KCNH6: variants seen among roughly 807,000 people sequenced by gnomAD.
KCNH6 encodes the protein voltage-gated inwardly rectifying potassium channel KCNH6.
A neutral mutation model predicts 83.4 loss-of-function variants in KCNH6; 81 were observed. That is an observed-to-expected ratio of 0.97 (90% CI 0.81 to 1.17). KCNH6 has a LOEUF of 1.17. Ranked by LOEUF, KCNH6 falls within the 50% of genes most tolerant of loss-of-function variation. The pLI is 0.00. For missense variants in KCNH6, 1,203 were observed against 1,290.5 expected (o/e 0.93, Z 1.04); for synonymous variants, 503 against 545.6 (o/e 0.92, Z 1.09).
Position 63,524,322 on chromosome 17 carries a change from T to C in KCNH6, c.260T>C (p.Leu87Pro), listed in dbSNP as rs146579400. The change falls in exon 2 of 13, where the codon CTG (leucine) becomes CCG (proline). Residue 87 changes from leucine (L) to proline (P), a missense_variant. Physicochemically the swap from Leu to Pro is moderately conservative, Grantham distance 98. Transcript: ENST00000314672. ...SAVSRLAQAL[L>P]GAEECKVDIL... ...GTGTCCCGCCTAGCGCAGGCCCTGC[T>C]GGGGGCTGAGGAGTGCAAGGTGGAC... 1.1e-4 allele frequency: 179 copies of C among 1,613,926 alleles called. 1 individual carries two copies. In the East Asian group the frequency reaches 1.5e-3, roughly 13 times the overall value.
intron 6 of KCNH6, among the ~76,000 whole-genome samples, chr17:63,537,519 C>T (rs1037554427): frequency 4.6e-5 from 7 of 152,186 alleles, no homozygotes; most frequent in African/African-American, 1.7e-4. Flanking sequence ...ACTGCAACCT[C>T]TGCCTCCTGG....
Position 63,523,396 on chromosome 17 carries a change from A to G in KCNH6, c.-18A>G. 6.3e-7 allele frequency: 1 copy of G among 1,584,754 alleles called. No individual in the cohort carries two copies. The highest frequency in any genetic ancestry group is 8.6e-7 in the Non-Finnish European group (1 of 1,167,774). On this transcript the variant is annotated 5_prime_UTR_variant, in exon 1 of 13. Transcript: ENST00000314672. The surrounding 1 kb of genome is among the most constrained non-coding windows in gnomAD (Gnocchi z 4.2). ...GCCAGTGGCGCCTGTGGCTCCGGGC[A>G]GGGGCCGCGGCCGAAAGATGCCGGT...
In KCNH6 at chr17:63,523,545, G is replaced by C. The variant is rs1475562889; in HGVS notation, c.76+56G>C. The C allele has an allele frequency of 2.7e-6, 4 of 1,501,514 alleles. No homozygotes were observed. Among genetic ancestry groups the C allele is most frequent in the African/African-American group, 2.8e-5 (2 of 70,934 alleles). The allele number at this position is 1,501,514 out of a possible 1,614,324, so 93.0% of individuals were successfully genotyped here. ...GATCTGGAGTCCTGGTTCCGTGAAA[G>C]GGGGGGCTGGACCCCTTTACTAACT... On this transcript the variant is annotated intron_variant, in intron 1 of 12. Coordinates refer to ENST00000314672, the MANE Select transcript of KCNH6 (RefSeq NM_001278919.2). The surrounding 1 kb of genome is among the most constrained non-coding windows in gnomAD (Gnocchi z 4.2).
chr17:63,528,010 T>C (rs1441473543), intron 2 of KCNH6, among the ~76,000 whole-genome samples: 1 of 152,210 alleles, frequency 6.6e-6, no homozygotes, highest in Non-Finnish European at 1.5e-5. Flanking sequence ...CATCAATTGC[T>C]GGGTGCAGCC....
rs764516818 is a variant in KCNH6, at chr17:63,534,210, C to A, written c.1000C>A (p.Pro334Thr). 3.7e-6 allele frequency: 6 copies of A among 1,614,094 alleles called. No individual in the cohort carries two copies. The highest frequency in any genetic ancestry group is 1.1e-5 in the South Asian group (1 of 91,086). ...CACCAATGATGAGGTGGTCAGCCAC[C>A]CCCGCCGCATCGCCGTCCACTACTT... ...VNTNDEVVSHPRRIAVHYFKG... is the reference protein window; with the variant it reads ...VNTNDEVVSHTRRIAVHYFKG... The change falls in exon 5 of 13, where the codon CCC becomes ACC. Residue 334 changes from proline to threonine, a missense_variant. By Grantham distance (38) the Pro-to-Thr change is conservative. Coordinates refer to ENST00000314672, the MANE Select transcript of KCNH6 (RefSeq NM_001278919.2). This position sits in a 1 kb window ranked among gnomAD's most constrained non-coding sequence, Gnocchi z 5.0.
Position 63,534,433 on chromosome 17 carries a change from C to T in KCNH6, c.1101+122C>T, listed in dbSNP as rs7225111. The T allele has an allele frequency of 4.5e-3, 4,495 of 1,003,352 alleles. 113 individuals are homozygous for T. In the African/African-American group the frequency reaches 0.064, roughly 14 times the overall value. 62.2% of individuals were successfully genotyped at this position (1,003,352 alleles called of 1,614,324 possible). A position where few individuals can be genotyped will look rare whatever the true frequency, so the allele number is the denominator to read the frequency against. ...GGCACTGGGCACCTTTGCTGAAGCACGTGGAGGTGGAGAGGAGGCCCCAAA... is the reference window on the plus strand; with the variant it reads ...GGCACTGGGCACCTTTGCTGAAGCATGTGGAGGTGGAGAGGAGGCCCCAAA... On this transcript the variant is annotated intron_variant, in intron 5 of 12. Coordinates refer to ENST00000314672, the MANE Select transcript of KCNH6 (RefSeq NM_001278919.2). This position sits in a 1 kb window ranked among gnomAD's most constrained non-coding sequence, Gnocchi z 5.0.
Position 63,535,761 on chromosome 17 carries a change from G to T in KCNH6, c.1194G>T (p.Ala398=), listed in dbSNP as rs1421176285. ...RKLDRYSEYG[A]AVLFLLMCTF... ...TGGACCGCTACTCTGAGTATGGGGC[G>T]GCTGTGCTCTTCTTGCTCATGTGCA... The change falls in exon 6 of 13, where the codon GCG becomes GCT. Residue 398 remains alanine, a synonymous_variant. Transcript: ENST00000314672. This position sits in a 1 kb window ranked among gnomAD's most constrained non-coding sequence, Gnocchi z 4.9. 6.2e-7 allele frequency: 1 copy of T among 1,614,188 alleles called. No homozygotes were observed. The highest frequency in any genetic ancestry group is 1.7e-5 in the Admixed American group (1 of 60,036).
Position 63,535,497 on chromosome 17 carries a change from T to A in KCNH6, c.1102-172T>A, listed in dbSNP as rs975065995. On this transcript the variant is annotated intron_variant, in intron 5 of 12. Coordinates refer to ENST00000314672, the MANE Select transcript of KCNH6 (RefSeq NM_001278919.2). This position sits in a 1 kb window ranked among gnomAD's most constrained non-coding sequence, Gnocchi z 4.9. ...CACTATTCTGAGCTTTAGGCTGAGATCCTCAATGTCCCATACTGTGCCACA... is the reference window on the plus strand; with the variant it reads ...CACTATTCTGAGCTTTAGGCTGAGAACCTCAATGTCCCATACTGTGCCACA... Among the ~76,000 whole-genome samples, 2 of 152,020 alleles carry A rather than the reference T, an allele frequency of 1.3e-5. No individual in the cohort carries two copies. The highest frequency in any genetic ancestry group is 2.4e-5 in the African/African-American group (1 of 41,264).
At chr17:63,547,175 G>A (rs1413277809), downstream of KCNH6, among the ~76,000 whole-genome samples, 2 of 152,132 alleles carry the variant, frequency 1.3e-5, no homozygotes, top group Non-Finnish European at 2.9e-5. Flanking sequence ...GGTTACAGGT[G>A]TTCAGGTTGC....
intron 10 of KCNH6, 65 bp from the exon 11 acceptor site, chr17:63,544,184 A>G (rs2033028375): frequency 3.7e-6 from 6 of 1,605,028 alleles, no homozygotes; most frequent in Admixed American, 3.4e-5. Context: ...GACAGGCTCT[A>G]TTGAGAAGGG....
chr17:63,529,609 G>A (rs1224995613), intron 2 of KCNH6, among the ~76,000 whole-genome samples: 1 of 152,158 alleles, frequency 6.6e-6, no homozygotes, highest in Non-Finnish European at 1.5e-5. Flanking sequence ...GTTCCAACTG[G>A]CCCCATGCCC....
intron 10 of KCNH6, among the ~76,000 whole-genome samples, 199 bp downstream of exon 10, chr17:63,543,859 G>A (rs2033007320): frequency 6.6e-6 from 1 of 152,124 alleles, no homozygotes; most frequent in Admixed American, 6.5e-5. Context: ...TGTCCTCAGA[G>A]GCAGAGTGAG....
intron 12 of KCNH6, 57 bp downstream of exon 12, chr17:63,545,321 A>G: frequency 6.4e-7 from 1 of 1,565,116 alleles, no homozygotes; most frequent in Non-Finnish European, 8.7e-7. Flanking sequence ...TGCCTTCCCT[A>G]CCCTGACTTG....
rs372958914 is a variant in KCNH6 at position 63,538,246 on chromosome 17, T to C, written c.1683T>C (p.Asn561=). 5.0e-6 allele frequency: 8 copies of C among 1,613,914 alleles called. No individual in the cohort carries two copies. In the African/African-American group the frequency reaches 8.0e-5, roughly 16 times the overall value. The change falls in exon 7 of 13, where the codon AAT becomes AAC. Residue 561 remains asparagine (N), a synonymous_variant. Coordinates refer to ENST00000314672, the MANE Select transcript of KCNH6 (RefSeq NM_001278919.2). The surrounding 1 kb of genome is among the most constrained non-coding windows in gnomAD (Gnocchi z 4.0). Reference sequence around the variant, plus strand: ...TCCAGCACGCCTGGTCCTACACCAATGGCATTGACATGAACGCGGTGAGCC... The same window carrying C: ...TCCAGCACGCCTGGTCCTACACCAACGGCATTGACATGAACGCGGTGAGCC... ...EYFQHAWSYT[N]GIDMNAVLKG...
chr17:63,546,839 G>A (rs541704364), downstream of KCNH6: 9 of 152,326 alleles, frequency 5.9e-5, no homozygotes, highest in Admixed American at 3.9e-4. Context: ...CCAGTGTGTT[G>A]GGGACCTGAA....
In KCNH6 at chr17:63,534,295, G is replaced by A. The variant is rs368897601; in HGVS notation, c.1085G>A (p.Arg362His). The stretch of plus-strand genomic sequence containing the variant: ...ATCCCTTTCGACCTCCTGATCTTCC[G>A]CACTGGCTCCGATGAGGTGAGCAGA... ...AAIPFDLLIF[R>H]TGSDETTTLI... Residue 362 changes from arginine to histidine, a missense_variant, in exon 5 of 13, where the codon CGC (arginine) becomes CAC (histidine). Coordinates refer to ENST00000314672, the MANE Select transcript of KCNH6 (RefSeq NM_001278919.2). The surrounding 1 kb of genome is among the most constrained non-coding windows in gnomAD (Gnocchi z 5.0). 55 of 1,612,720 alleles carry A rather than the reference G, an allele frequency of 3.4e-5. No homozygotes were observed. The highest frequency in any genetic ancestry group is 1.6e-4 in the Middle Eastern group (1 of 6,082).
chr17:63,539,711 C>T (rs922769925), intron 8 of KCNH6, among the ~76,000 whole-genome samples: 1 of 152,204 alleles, frequency 6.6e-6, no homozygotes, highest in Non-Finnish European at 1.5e-5. Flanking sequence ...CCATCTCACA[C>T]CTGTCTCCCT....
intron 2 of KCNH6, 140 bp downstream of exon 2, chr17:63,524,509 C>T (rs2031571352): frequency 3.0e-6 from 2 of 666,418 alleles, no homozygotes; most frequent in East Asian, 2.7e-5. Flanking sequence ...GCCTTGGTTC[C>T]TCCACAGGCA....
At position 63,538,057 on chromosome 17, in the gene KCNH6, G is replaced by A. The variant is rs752976002; in HGVS notation, c.1502-8G>A. 6.2e-7 allele frequency: 1 copy of A among 1,611,648 alleles called. No individual in the cohort carries two copies. On this transcript the variant is annotated splice_region_variant and splice_polypyrimidine_tract_variant and intron_variant, in intron 6 of 12. Coordinates refer to ENST00000314672, the MANE Select transcript of KCNH6 (RefSeq NM_001278919.2). The surrounding 1 kb of genome is among the most constrained non-coding windows in gnomAD (Gnocchi z 4.0). ...CGCGGAGGAGCTCACTCTCCGCCCC[G>A]CCCCCAGCCCTGATGTACGCCAGCA...
Sources: gnomAD v4.1 joint callset for allele counts (sites outside exome capture counted in the v4.1 genomes callset) on GRCh38, gnomAD v4.1.1 for gene constraint, Gnocchi (gnomAD v3.1) non-coding constraint, MANE v1.5 for transcripts, NCBI Gene and HGNC (gene_info 2026-07-23, HGNC 2026-07-21) for gene names.